B3GALT1: variants seen among roughly 807,000 people sequenced by gnomAD.
The protein encoded by B3GALT1 is beta-1,3-galactosyltransferase 1, also known as UDP-Gal:betaGlcNAc beta 1,3-galactosyltransferase, polypeptide 1.
B3GALT1 carries 10 observed loss-of-function variants against 23.2 expected under a neutral mutation model. The observed-to-expected ratio is 0.43, with a 90% CI of 0.27 to 0.73. The LOEUF is 0.73. Among genes scored for constraint, B3GALT1 ranks in the 30% least tolerant of loss-of-function variants. The pLI is 0.21. For synonymous variants in B3GALT1, 156 were observed against 141.5 expected (o/e 1.10, Z -0.73); for missense variants, 299 against 405.4 (o/e 0.74, Z 2.25).
chr2:167,849,085 AC>A (rs1689819210), intron 4 of B3GALT1, among the ~76,000 whole-genome samples: 1 of 152,240 alleles, frequency 6.6e-6, no homozygotes, highest in Admixed American at 6.5e-5. Flanking sequence ...CACAGACAAC[AC>A]AAACAAACGG....
At chr2:167,604,279 A>T (rs545457256) in intron 2 of B3GALT1, among the ~76,000 whole-genome samples, 2 of 152,232 alleles carry the variant, frequency 1.3e-5, no homozygotes, top group South Asian at 4.2e-4. Flanking sequence ...CCATGTGATT[A>T]TATGTGATTA....
intron 3 of B3GALT1, among the ~76,000 whole-genome samples, chr2:167,689,564 C>T (rs1439699564): frequency 6.6e-6 from 1 of 151,988 alleles, no homozygotes; most frequent in East Asian, 1.9e-4. Flanking sequence ...GACTGATCAC[C>T]TTAAAAGGAC....
At chr2:167,313,275 G>A (rs1158886137) in intron 1 of B3GALT1, among the ~76,000 whole-genome samples, 1 of 152,014 alleles carries the variant, frequency 6.6e-6, no homozygotes, top group African/African-American at 2.4e-5. Context: ...TTTTATAGAA[G>A]AAGGCAGAGG....
intron 3 of B3GALT1, among the ~76,000 whole-genome samples, chr2:167,765,789 T>C (rs904030867): frequency 1.3e-5 from 2 of 152,232 alleles, no homozygotes; most frequent in Non-Finnish European, 2.9e-5. Context: ...CAGATGAAGA[T>C]AAATCATGAA....
Position 167,475,905 on chromosome 2 carries a change from C to T in B3GALT1, c.-510-14272C>T, listed in dbSNP as rs573693366. The stretch of plus-strand genomic sequence containing the variant: ...GCCTGCAACTTTTGTTGTTCCTTAG[C>T]AGCAGCAGCAGCCAAGGCAACAAAT... On this transcript the variant is annotated intron_variant, in intron 1 of 4. Transcript: ENST00000392690. 5.9e-5 allele frequency among the ~76,000 whole-genome samples: 9 copies of T among 152,222 alleles called. No individual in the cohort carries two copies. In the East Asian group the frequency reaches 1.2e-3, roughly 20 times the overall value.
In B3GALT1 at chr2:167,445,001, T is replaced by C. The variant is rs370648200; in HGVS notation, c.-510-45176T>C. 3.4e-4 allele frequency among the ~76,000 whole-genome samples: 52 copies of C among 152,362 alleles called. 1 individual carries two copies. The East Asian group carries it at 8.1e-3, about 24-fold the overall frequency. On this transcript the variant is annotated intron_variant, in intron 1 of 4. Transcript: ENST00000392690. ...TTTCCTGCTTTCTCTTTTGGGCATTTAGTGCTATAAATTTCCCTCTACACA... is the reference window on the plus strand; with the variant it reads ...TTTCCTGCTTTCTCTTTTGGGCATTCAGTGCTATAAATTTCCCTCTACACA...
At chr2:167,750,153 A>G (rs1216131364) in intron 3 of B3GALT1, among the ~76,000 whole-genome samples, 2 of 152,246 alleles carry the variant, frequency 1.3e-5, no homozygotes, top group African/African-American at 4.8e-5. Flanking sequence ...CAATTTAGCA[A>G]ATAAGGCTAA....
At chr2:167,826,955 G>A (rs760837057) in intron 4 of B3GALT1, among the ~76,000 whole-genome samples, 8 of 152,080 alleles carry the variant, frequency 5.3e-5, no homozygotes, top group Non-Finnish European at 1.2e-4. Context: ...GTGGAATCTT[G>A]GAATCAATCC....
chr2:167,833,535 T>C (rs1410464323), intron 4 of B3GALT1, among the ~76,000 whole-genome samples: 2 of 152,188 alleles, frequency 1.3e-5, no homozygotes, highest in Non-Finnish European at 2.9e-5. Context: ...GGTAGCTATT[T>C]CCTGATTTGC....
At position 167,869,795 on chromosome 2, in the gene B3GALT1, C is replaced by T; in HGVS notation, c.756C>T (p.Tyr252=). The change falls in exon 5 of 5, where the codon TAC becomes TAT. Residue 252 remains tyrosine (Y), a synonymous_variant. Transcript: ENST00000392690. This position sits in a 1 kb window ranked among gnomAD's most constrained non-coding sequence, Gnocchi z 6.4. The stretch of plus-strand genomic sequence containing the variant: ...CAGCCGATGTAGCTGAACTCATTTA[C>T]AAGACCTCACTCCACACAAGGCTGC... ...IFSADVAELI[Y]KTSLHTRLLH... The T allele has an allele frequency of 6.2e-7, 1 of 1,614,146 alleles. No homozygotes were observed. The highest frequency in any genetic ancestry group is 8.5e-7 in the Non-Finnish European group (1 of 1,180,006).
chr2:167,662,027 CTTTATT>C (rs1334075326), intron 3 of B3GALT1, among the ~76,000 whole-genome samples: 1 of 150,536 alleles, frequency 6.6e-6, no homozygotes, highest in Non-Finnish European at 1.5e-5. Context: ...AATCTACTTT[CTTTATT>C]TTTGACTCTG....
intron 1 of B3GALT1, among the ~76,000 whole-genome samples, chr2:167,367,224 A>G (rs547048313): frequency 2.0e-5 from 3 of 152,360 alleles, no homozygotes; most frequent in African/African-American, 7.2e-5. Flanking sequence ...ACTTCCTCCA[A>G]TAAGCCTGGG....
At chr2:167,303,615 G>A (rs1260602308) in intron 1 of B3GALT1, among the ~76,000 whole-genome samples, 11 of 148,130 alleles carry the variant, frequency 7.4e-5, no homozygotes, top group Non-Finnish European at 1.3e-4. Flanking sequence ...TGAGACATCT[G>A]TTTTCTCCTG....
At chr2:167,306,547 G>A (rs1162758349) in intron 1 of B3GALT1, among the ~76,000 whole-genome samples, 1 of 151,814 alleles carries the variant, frequency 6.6e-6, no homozygotes, top group Non-Finnish European at 1.5e-5. Context: ...TATTAGTCAT[G>A]GTTTTTGATA....
At chr2:167,550,128 A>G (rs1408911616) in intron 2 of B3GALT1, among the ~76,000 whole-genome samples, 3 of 152,232 alleles carry the variant, frequency 2.0e-5, no homozygotes, top group African/African-American at 7.2e-5. Context: ...TCAAAAGTCA[A>G]CATCCTTCTC....
Position 167,596,667 on chromosome 2 carries a change from G to A in B3GALT1, c.-409-50242G>A, listed in dbSNP as rs566451248. Among the ~76,000 whole-genome samples, 12 of 150,312 alleles carry A rather than the reference G, an allele frequency of 8.0e-5. No homozygotes were observed. The South Asian group carries it at 2.5e-3, about 31-fold the overall frequency. The stretch of plus-strand genomic sequence containing the variant: ...TTTTCCCCAGTAATATAAAAATAGA[G>A]GATTTTTTTTTGTAGAAAAGCCTAA... On this transcript the variant is annotated intron_variant, in intron 2 of 4. Coordinates refer to ENST00000392690, the MANE Select transcript of B3GALT1 (RefSeq NM_020981.4).
At chr2:167,730,514 T>A (rs1222976414) in intron 3 of B3GALT1, among the ~76,000 whole-genome samples, 1 of 152,210 alleles carries the variant, frequency 6.6e-6, no homozygotes, top group Non-Finnish European at 1.5e-5. Flanking sequence ...GAACTCTCTT[T>A]ACCAAGGCAG....
chr2:167,499,012 T>G (rs1483155639), intron 2 of B3GALT1, among the ~76,000 whole-genome samples: 1 of 152,162 alleles, frequency 6.6e-6, no homozygotes, highest in Non-Finnish European at 1.5e-5. Context: ...GGGAATTTTG[T>G]TGGTCGTTTT....
At chr2:167,365,854 A>T (rs953903477) in intron 1 of B3GALT1, among the ~76,000 whole-genome samples, 5 of 152,170 alleles carry the variant, frequency 3.3e-5, no homozygotes, top group African/African-American at 9.7e-5. Flanking sequence ...AGTACCTCTA[A>T]CAAGTACTTA....
Sources: gnomAD v4.1 joint callset for allele counts (sites outside exome capture counted in the v4.1 genomes callset) on GRCh38, gnomAD v4.1.1 for gene constraint, Gnocchi (gnomAD v3.1) non-coding constraint, MANE v1.5 for transcripts, NCBI Gene and HGNC (gene_info 2026-07-23, HGNC 2026-07-21) for gene names.